SYN3: variants seen among roughly 807,000 people sequenced by gnomAD.
SYN3 encodes the protein synapsin-3.
SYN3 carries 35 observed loss-of-function variants against 65.8 expected under a neutral mutation model. The observed-to-expected ratio is 0.53, with a 90% CI of 0.41 to 0.70. The LOEUF is 0.70. Ranked by LOEUF, SYN3 falls within the 30% of genes least tolerant of loss-of-function variation. SYN3 has a pLI of 0.00. For synonymous variants in SYN3, 270 were observed against 292.9 expected (o/e 0.92, Z 0.80); for missense variants, 680 against 749.0 (o/e 0.91, Z 1.08).
chr22:32,756,992 G>A (rs537916753), intron 6 of SYN3, among the ~76,000 whole-genome samples: 5 of 151,598 alleles, frequency 3.3e-5, no homozygotes, highest in Non-Finnish European at 5.9e-5. Flanking sequence ...AACAACTGTC[G>A]GAAATGTTTC....
At chr22:33,025,227 C>T (rs1172508703) in intron 1 of SYN3, among the ~76,000 whole-genome samples, 2 of 151,678 alleles carry the variant, frequency 1.3e-5, no homozygotes, top group East Asian at 1.9e-4. Context: ...GAGGCCGAGA[C>T]GGGTGGTCAT....
intron 4 of SYN3, among the ~76,000 whole-genome samples, chr22:32,917,663 C>T (rs968541410): frequency 5.9e-5 from 9 of 152,196 alleles, no homozygotes; most frequent in Non-Finnish European, 1.0e-4. Context: ...GCGCAGCCAG[C>T]GGCCTCACAG....
intron 6 of SYN3, among the ~76,000 whole-genome samples, chr22:32,694,716 G>A (rs2060712716): frequency 6.6e-6 from 1 of 152,188 alleles, no homozygotes; most frequent in Admixed American, 6.5e-5. Flanking sequence ...TTTGGTATGT[G>A]TGGGGATCCT....
intron 1 of SYN3, among the ~76,000 whole-genome samples, chr22:33,052,505 A>C (rs1420002214): frequency 6.6e-6 from 1 of 150,676 alleles, no homozygotes; most frequent in African/African-American, 2.4e-5. Flanking sequence ...GTGTAAGGAG[A>C]GTGTGGATGT....
At chr22:32,958,344 C>T (rs1346884785) in intron 3 of SYN3, among the ~76,000 whole-genome samples, 1 of 152,178 alleles carries the variant, frequency 6.6e-6, no homozygotes, top group Non-Finnish European at 1.5e-5. Context: ...TTGCTCACGT[C>T]GCTTTCTGCA....
chr22:32,745,914 G>C (rs138427383), intron 6 of SYN3, among the ~76,000 whole-genome samples: 66 of 152,300 alleles, frequency 4.3e-4, no homozygotes, highest in Admixed American at 2.7e-3. Context: ...AGTCATTCCT[G>C]CTGCTTAGAA....
At chr22:32,941,698 G>C (rs1410772149) in intron 3 of SYN3, among the ~76,000 whole-genome samples, 1 of 152,188 alleles carries the variant, frequency 6.6e-6, no homozygotes. Context: ...CCCTTTCCTA[G>C]CCAAGGGAAG....
At chr22:33,011,623 T>C (rs2053353666) in intron 1 of SYN3, among the ~76,000 whole-genome samples, 1 of 152,174 alleles carries the variant, frequency 6.6e-6, no homozygotes, top group South Asian at 2.1e-4. Context: ...CCTTTTCTAT[T>C]TTCTGAAAGA....
chr22:32,521,933 A>T (rs2057891634), intron 12 of SYN3, among the ~76,000 whole-genome samples: 1 of 152,218 alleles, frequency 6.6e-6, no homozygotes, highest in Non-Finnish European at 1.5e-5. Flanking sequence ...CCTATCATAT[A>T]CCTGGGATTT....
In SYN3 at chr22:32,518,329, G is replaced by A. The variant is rs1389825558; in HGVS notation, c.1324C>T (p.Pro442Ser). ...GGCTGAGGAGACTGAGCTTGGCGAG[G>A]GCCTCCTAAGGGGCCAGAAAAAAAA... The part of the protein sequence containing the change: ...PQPRPPPQGG[P>S]RQAQSPQPQR... The change falls in exon 13 of 14, where the codon CCT becomes TCT. Residue 442 changes from proline (P) to serine (S), a missense_variant. By Grantham distance (74) the Pro-to-Ser change is moderately conservative (BLOSUM62 -1). Transcript: ENST00000358763. The A allele has an allele frequency of 1.2e-6, 2 of 1,608,532 alleles. No homozygotes were observed. Among genetic ancestry groups the A allele is most frequent in the African/African-American group, 1.3e-5 (1 of 74,510 alleles).
At chr22:32,562,752 T>C (rs575530354) in intron 7 of SYN3, among the ~76,000 whole-genome samples, 2 of 152,392 alleles carry the variant, frequency 1.3e-5, no homozygotes, top group Non-Finnish European at 2.9e-5. Flanking sequence ...ATGCTTGGCC[T>C]AAGCCCTGCT....
chr22:32,649,756 C>G (rs1161118852), intron 6 of SYN3, among the ~76,000 whole-genome samples: 2 of 152,176 alleles, frequency 1.3e-5, no homozygotes. Context: ...CAGGGAAGCC[C>G]TGGTGAGGGG....
intron 12 of SYN3, among the ~76,000 whole-genome samples, chr22:32,526,158 A>G (rs2057973478): frequency 6.6e-6 from 1 of 152,184 alleles, no homozygotes; most frequent in African/African-American, 2.4e-5. Context: ...TAGTGTAAAC[A>G]TAGCTTTTAT....
intron 6 of SYN3, among the ~76,000 whole-genome samples, chr22:32,642,913 A>G (rs572023566): frequency 2.0e-5 from 3 of 152,116 alleles, no homozygotes; most frequent in African/African-American, 7.2e-5. Context: ...ATGCATCTCA[A>G]TATATGATGA....
intron 6 of SYN3, among the ~76,000 whole-genome samples, chr22:32,614,836 C>T (rs559777708): frequency 2.0e-5 from 3 of 152,236 alleles, no homozygotes; most frequent in African/African-American, 7.2e-5. Flanking sequence ...CCTCGGAATC[C>T]AGAAGTAGTT....
intron 6 of SYN3, among the ~76,000 whole-genome samples, chr22:32,851,143 G>T (rs571410384): frequency 1.3e-3 from 193 of 152,212 alleles, no homozygotes; most frequent in Non-Finnish European, 4.3e-4. Flanking sequence ...CAACAACAAC[G>T]CAAAAAGCCC....
intron 7 of SYN3, among the ~76,000 whole-genome samples, chr22:32,580,392 C>T (rs1194578729): frequency 6.6e-6 from 1 of 152,190 alleles, no homozygotes; most frequent in Non-Finnish European, 1.5e-5. Flanking sequence ...GGAGAGACCA[C>T]ATTCACATGA....
chr22:32,834,557 C>T (rs2047674691), intron 6 of SYN3, among the ~76,000 whole-genome samples: 1 of 152,178 alleles, frequency 6.6e-6, no homozygotes, highest in African/African-American at 2.4e-5. Context: ...TGCCAGCTTT[C>T]AGATGTGCAG....
intron 6 of SYN3, among the ~76,000 whole-genome samples, chr22:32,683,939 C>T (rs996008729): frequency 2.1e-4 from 32 of 152,290 alleles, no homozygotes; most frequent in African/African-American, 7.5e-4. Flanking sequence ...TACTGGGGCC[C>T]TCACTGAATG....
Sources: allele counts gnomAD v4.1 joint callset (sites outside exome capture counted in the v4.1 genomes callset), GRCh38; gene constraint gnomAD v4.1.1; transcripts MANE v1.5; gene names NCBI Gene and HGNC (gene_info 2026-07-23, HGNC 2026-07-21).